Variants in NRG1 observed in about 807,000 individuals in gnomAD.
The protein encoded by NRG1 is neuregulin 1, also known as pro-neuregulin-1, membrane-bound isoform.
Under a neutral mutation model 63.8 loss-of-function variants are expected in NRG1, and 18 were observed. The observed-to-expected ratio is 0.28, with a 90% CI of 0.19 to 0.42. The LOEUF is 0.42. NRG1 is among the 10% of genes least tolerant of loss of function. The probability of loss-of-function intolerance (pLI) is 1.00; values close to 1 mark genes in which losing one functional copy is unlikely to be tolerated. For synonymous variants in NRG1, 302 were observed against 301.3 expected, an observed-to-expected ratio of 1.00 and a Z score of -0.02; for missense variants, 762 against 814.7, an observed-to-expected ratio of 0.94 and a Z score of 0.79.
rs71541806 is a variant in NRG1 at position 32,233,536 on chromosome 8, A to AATATATATATAT, written c.38-362275_38-362264dup. Among the ~76,000 whole-genome samples, 401 of 87,964 alleles carry AATATATATATAT rather than the reference A, an allele frequency of 4.6e-3. 2 individuals are homozygous for AATATATATATAT. Among genetic ancestry groups the AATATATATATAT allele is most frequent in the Middle Eastern group, 8.6e-3 (1 of 116 alleles). 57.7% of individuals were successfully genotyped at this position (87,964 alleles called of 152,430 possible). A position where few individuals can be genotyped will look rare whatever the true frequency, so the allele number is the denominator to read the frequency against. ...CACACTGTTGCTCATAACTCGAAAGAATATATATATATATATATATATATA... is the reference window on the plus strand; with the variant it reads ...CACACTGTTGCTCATAACTCGAAAGAATATATATATATATATATATATATATATATATATATA... On this transcript the variant is annotated intron_variant, in intron 1 of 10. Coordinates refer to the NRG1 transcript ENST00000519301.
chr8:32,103,236 G>A (rs181005926), intron 1 of NRG1, among the ~76,000 whole-genome samples: 72 of 152,048 alleles, frequency 4.7e-4, no homozygotes, highest in African/African-American at 1.6e-3. Flanking sequence ...ATCTCCATGG[G>A]TTCAGTTGTT....
chr8:31,898,927 T>G (rs2129614985), intron 1 of NRG1, among the ~76,000 whole-genome samples: 1 of 152,278 alleles, frequency 6.6e-6, no homozygotes, highest in African/African-American at 2.4e-5. Flanking sequence ...ACTGTGTTTC[T>G]CCTTCACTCT....
At chr8:32,616,949 T>A in intron 5 of NRG1, 64 bp downstream of exon 5, 3 of 1,194,912 alleles carry the variant, frequency 2.5e-6, no homozygotes, top group Non-Finnish European at 3.7e-6. Flanking sequence ...CTTTGGAAGG[T>A]CATGTTCACG....
intron 1 of NRG1, among the ~76,000 whole-genome samples, chr8:32,118,793 C>T (rs934596934): frequency 6.6e-6 from 1 of 152,050 alleles, no homozygotes; most frequent in Non-Finnish European, 1.5e-5. Flanking sequence ...GCATCAGATA[C>T]CTTCTGTGGT....
At chr8:32,292,341 A>T (rs1854300932) in intron 1 of NRG1, among the ~76,000 whole-genome samples, 1 of 152,218 alleles carries the variant, frequency 6.6e-6, no homozygotes, top group Admixed American at 6.5e-5. Flanking sequence ...CAAATGTCCC[A>T]TCTGACTGTA....
Position 31,643,617 on chromosome 8 carries a change from G to T in NRG1, c.37+4186G>T, listed in dbSNP as rs571342467. 2.7e-3 allele frequency among the ~76,000 whole-genome samples: 409 copies of T among 152,328 alleles called. 1 individual carries two copies. The highest frequency in any genetic ancestry group is 0.018 in the South Asian group (87 of 4,826). On this transcript the variant is annotated intron_variant, in intron 1 of 10. Transcript: ENST00000519301. ...CTTAATTGCTTTGTAGTTGAAGTTTGTATAAATGACACTTCCTTTACAGTT... is the reference window on the plus strand; with the variant it reads ...CTTAATTGCTTTGTAGTTGAAGTTTTTATAAATGACACTTCCTTTACAGTT...
At chr8:32,709,384 T>G (rs1397988688) in intron 5 of NRG1, among the ~76,000 whole-genome samples, 3 of 152,142 alleles carry the variant, frequency 2.0e-5, no homozygotes, top group Admixed American at 6.5e-5. Context: ...GTGACTTACC[T>G]TGCTATATTT....
At chr8:31,861,045 G>GA (rs1433727538) in intron 1 of NRG1, among the ~76,000 whole-genome samples, 18 of 152,172 alleles carry the variant, frequency 1.2e-4, no homozygotes, top group African/African-American at 4.3e-4. Context: ...TTAGTGATAC[G>GA]AAAGTGACCA....
chr8:32,411,910 A>C (rs1815016681), intron 1 of NRG1, among the ~76,000 whole-genome samples: 1 of 152,184 alleles, frequency 6.6e-6, no homozygotes, highest in Non-Finnish European at 1.5e-5. Context: ...TAAGTTGGGG[A>C]CCATGCGTAC....
chr8:32,575,887 A>C (rs900579228), intron 1 of NRG1, among the ~76,000 whole-genome samples: 1 of 152,242 alleles, frequency 6.6e-6, no homozygotes, highest in African/African-American at 2.4e-5. Context: ...TGTCTTACAT[A>C]GCTCTAAAGT....
intron 1 of NRG1, among the ~76,000 whole-genome samples, chr8:32,288,105 A>G (rs1035262580): frequency 2.6e-5 from 4 of 152,206 alleles, no homozygotes; most frequent in African/African-American, 7.2e-5. Context: ...GTAGAGCTGA[A>G]TGGTTGATTC....
chr8:31,920,771 C>A (rs977253240), intron 1 of NRG1, among the ~76,000 whole-genome samples: 1 of 151,924 alleles, frequency 6.6e-6, no homozygotes, highest in African/African-American at 2.4e-5. Context: ...TAAGATAATG[C>A]AGGTAAAAGT....
At chr8:32,190,210 A>G (rs1842356495) in intron 1 of NRG1, among the ~76,000 whole-genome samples, 1 of 148,660 alleles carries the variant, frequency 6.7e-6, no homozygotes, top group Admixed American at 6.7e-5. Context: ...ATTTTTTTCT[A>G]TTTACTCTTT....
chr8:32,193,490 C>A (rs1250054540), intron 1 of NRG1, among the ~76,000 whole-genome samples: 1 of 152,110 alleles, frequency 6.6e-6, no homozygotes, highest in Non-Finnish European at 1.5e-5. Flanking sequence ...GAAATAATCC[C>A]CAAGTCATTT....
At chr8:32,643,158 T>C (rs920100583) in intron 5 of NRG1, among the ~76,000 whole-genome samples, 3 of 152,244 alleles carry the variant, frequency 2.0e-5, no homozygotes, top group Non-Finnish European at 2.9e-5. Context: ...TGTCTCTTCT[T>C]GATCCAGGTT....
chr8:31,940,724 C>T (rs1801622982), intron 1 of NRG1, among the ~76,000 whole-genome samples: 1 of 151,962 alleles, frequency 6.6e-6, no homozygotes, highest in Non-Finnish European at 1.5e-5. Flanking sequence ...GATACTACAG[C>T]CAATACCATA....
intron 1 of NRG1, among the ~76,000 whole-genome samples, chr8:32,027,222 A>ACT (rs920526533): frequency 8.5e-5 from 13 of 152,170 alleles, no homozygotes; most frequent in African/African-American, 2.6e-4. Context: ...TAGTATTTTT[A>ACT]TGTTTCTTGT....
At chr8:32,240,529 C>T (rs1462487748) in intron 1 of NRG1, among the ~76,000 whole-genome samples, 1 of 151,950 alleles carries the variant, frequency 6.6e-6, no homozygotes, top group Non-Finnish European at 1.5e-5. Context: ...TTTGATGGAA[C>T]CAAATACACA....
intron 5 of NRG1, among the ~76,000 whole-genome samples, chr8:32,628,297 T>A (rs955193901): frequency 6.6e-6 from 1 of 152,226 alleles, no homozygotes; most frequent in Non-Finnish European, 1.5e-5. Flanking sequence ...TTTCAGAAAT[T>A]TTGTACATTT....
Sources: gnomAD v4.1 joint callset for allele counts (sites outside exome capture counted in the v4.1 genomes callset) on GRCh38, gnomAD v4.1.1 for gene constraint, MANE v1.5 for transcripts, NCBI Gene and HGNC (gene_info 2026-07-23, HGNC 2026-07-21) for gene names.